Variants in NCOR2 observed in about 807,000 individuals in gnomAD.
NCOR2 encodes CTG repeat protein 26.
NCOR2 carries 81 observed loss-of-function variants against 262.9 expected under a neutral mutation model. That is an observed-to-expected ratio of 0.31 (90% CI 0.26 to 0.37). NCOR2 has a LOEUF of 0.37. Among genes scored for constraint, NCOR2 ranks in the 10% least tolerant of loss-of-function variants. The pLI, the probability that NCOR2 is intolerant of heterozygous loss-of-function variation, is 1.00. For missense variants in NCOR2, 3,385 were observed against 3,621.4 expected, an observed-to-expected ratio of 0.93 and a Z score of 1.68; for synonymous variants, 1,659 against 1,559.3, an observed-to-expected ratio of 1.06 and a Z score of -1.51.
chr12:124,530,656 T>G (rs1451480381), intron 1 of NCOR2, among the ~76,000 whole-genome samples: 7 of 152,198 alleles, frequency 4.6e-5, no homozygotes, highest in African/African-American at 1.7e-4. Flanking sequence ...AGCTTTGTCC[T>G]ATGCTAGCTA....
intron 1 of NCOR2, among the ~76,000 whole-genome samples, chr12:124,554,249 A>G (rs1170495702): frequency 6.6e-6 from 1 of 152,210 alleles, no homozygotes; most frequent in Non-Finnish European, 1.5e-5. Flanking sequence ...CACAGGTCCC[A>G]GAGACGCTGT....
chr12:124,373,878 C>T lies in NCOR2; in HGVS notation c.2218+535G>A, dbSNP rs531897142. Among the ~76,000 whole-genome samples, 20 of 150,374 alleles carry T rather than the reference C, an allele frequency of 1.3e-4. 1 individual carries two copies. The highest frequency in any genetic ancestry group is 4.0e-4 in the Admixed American group (6 of 15,134). The stretch of plus-strand genomic sequence containing the variant: ...AGTGCGTGCGCAGGGGCCCCGGGCA[C>T]GGTGGACAACGAGGCCAGTGCGTGT... On this transcript the variant is annotated intron_variant, in intron 19 of 46. Transcript: ENST00000405201.
Position 124,481,152 on chromosome 12 carries a change from A to G in NCOR2, c.411+2444T>C, listed in dbSNP as rs567189851. ...GGGCTGTTTGGGTGGAAAGAAAGAG[A>G]GGGAGGAAGAAGGAGGGAGGAAGGT... On this transcript the variant is annotated intron_variant, in intron 3 of 46. Transcript: ENST00000405201. This position sits in a 1 kb window ranked among gnomAD's most constrained non-coding sequence, Gnocchi z 4.6. 2.0e-5 allele frequency among the ~76,000 whole-genome samples: 3 copies of G among 149,642 alleles called. No individual in the cohort carries two copies. The highest frequency in any genetic ancestry group is 4.5e-5 in the Non-Finnish European group (3 of 67,384).
intron 37 of NCOR2, among the ~76,000 whole-genome samples, chr12:124,338,585 C>A (rs185872733): frequency 6.6e-6 from 1 of 151,888 alleles, no homozygotes; most frequent in East Asian, 1.9e-4. Flanking sequence ...GCAGCTCTGC[C>A]CACAGTCTCT....
At chr12:124,536,563 G>A (rs561198440), upstream of NCOR2, among the ~76,000 whole-genome samples, 1 of 152,254 alleles carries the variant, frequency 6.6e-6, no homozygotes, top group Admixed American at 6.5e-5. Flanking sequence ...ACGAAAAGAT[G>A]CCCAACGTCA....
At chr12:124,554,258 G>A (rs1489368864) in intron 1 of NCOR2, among the ~76,000 whole-genome samples, 1 of 152,190 alleles carries the variant, frequency 6.6e-6, no homozygotes, top group Admixed American at 6.5e-5. Flanking sequence ...CAGAGACGCT[G>A]TGCAAAAAAT....
intron 10 of NCOR2, among the ~76,000 whole-genome samples, chr12:124,428,044 A>AGTGTGTGTGTGTGTGT (rs55965573): frequency 0.09 from 10,084 of 112,242 alleles, 1,028 homozygotes; most frequent in Non-Finnish European, 0.12. Context: ...CCATGTGGCC[A>AGTGTGTGTGTGTGTGT]GTGTGTGTGT....
chr12:124,370,017 C>T (rs1339637453), intron 20 of NCOR2, among the ~76,000 whole-genome samples: 3 of 152,176 alleles, frequency 2.0e-5, no homozygotes, highest in Admixed American at 2.0e-4. Context: ...ATGACCTCAG[C>T]GGTCCCCCGG....
rs917164865 is a variant in NCOR2 at position 124,457,984 on chromosome 12, A to G, written c.706-822T>C. On this transcript the variant is annotated intron_variant, in intron 5 of 46. Coordinates refer to ENST00000405201, the Ensembl canonical transcript of NCOR2. This position sits in a 1 kb window ranked among gnomAD's most constrained non-coding sequence, Gnocchi z 4.0. ...CTTCATGGGGGCTGTGGCGGAGGGC[A>G]GGGGCAGAATTTGCGTGGGTTTGGG... is the stretch of plus-strand genomic sequence containing the variant. 6.6e-6 allele frequency among the ~76,000 whole-genome samples: 1 copy of G among 152,158 alleles called. No individual in the cohort carries two copies. Among genetic ancestry groups the G allele is most frequent in the African/African-American group, 2.4e-5 (1 of 41,434 alleles).
intron 32 of NCOR2, among the ~76,000 whole-genome samples, chr12:124,344,022 A>C (rs1455782047): frequency 6.6e-6 from 1 of 152,164 alleles, no homozygotes; most frequent in East Asian, 1.9e-4. Flanking sequence ...GTAAACAAAG[A>C]CCTGAGGGAT....
intron 3 of NCOR2, among the ~76,000 whole-genome samples, chr12:124,479,373 G>C (rs560926128): frequency 6.6e-6 from 1 of 151,190 alleles, no homozygotes; most frequent in South Asian, 2.1e-4. Context: ...GCACACTCAC[G>C]CACACACACA....
chr12:124,338,145 A>C (rs2036048591), intron 37 of NCOR2, among the ~76,000 whole-genome samples: 1 of 152,218 alleles, frequency 6.6e-6, no homozygotes, highest in South Asian at 2.1e-4. Context: ...TCAGGCATCC[A>C]AGCGGCAAGT....
chr12:124,465,535 A>C (rs1313319334), intron 5 of NCOR2, among the ~76,000 whole-genome samples: 1 of 152,140 alleles, frequency 6.6e-6, no homozygotes, highest in Non-Finnish European at 1.5e-5. Context: ...ATGGGCCTCC[A>C]CAGCCTGCTC....
At chr12:124,425,527 G>C (rs1307847189) in intron 11 of NCOR2, among the ~76,000 whole-genome samples, 1 of 152,026 alleles carries the variant, frequency 6.6e-6, no homozygotes, top group Non-Finnish European at 1.5e-5. Flanking sequence ...CAAAAGATTA[G>C]ATTCCCCGGA....
At position 124,503,619 on chromosome 12, in the gene NCOR2, G is replaced by GATGGATGGATGGATGGATGGGCGA. The variant is rs2048873051; in HGVS notation, c.-117-8252_-117-8251insTCGCCCATCCATCCATCCATCCAT. Among the ~76,000 whole-genome samples, 1 of 144,454 alleles carries GATGGATGGATGGATGGATGGGCGA rather than the reference G, an allele frequency of 6.9e-6. No individual in the cohort carries two copies. The allele number at this position is 144,454 out of a possible 152,430, so 94.8% of individuals were successfully genotyped here. A position where few individuals can be genotyped will look rare whatever the true frequency, so the allele number is the denominator to read the frequency against. The stretch of plus-strand genomic sequence containing the variant: ...GGATGGATGGACGGACGGACGGATG[G>GATGGATGGATGGATGGATGGGCGA]ATGGATGGATGGATGGGCGAATGGA... On this transcript the variant is annotated intron_variant, in intron 1 of 46. Transcript: ENST00000404621. This position sits in a 1 kb window ranked among gnomAD's most constrained non-coding sequence, Gnocchi z 4.3.
intron 9 of NCOR2, among the ~76,000 whole-genome samples, chr12:124,430,406 C>T (rs2043847091): frequency 6.6e-6 from 1 of 152,228 alleles, no homozygotes; most frequent in Non-Finnish European, 1.5e-5. Context: ...GGAAGAAGTG[C>T]TTGTCCCCAA....
chr12:124,384,216 G>C (rs1000933611), intron 17 of NCOR2, among the ~76,000 whole-genome samples: 6 of 152,240 alleles, frequency 3.9e-5, no homozygotes, highest in African/African-American at 1.4e-4. Flanking sequence ...CCCCGGCCCA[G>C]GCCCCCTTCT....
chr12:124,335,731 T>C, intron 38 of NCOR2, 99 bp from the exon 41 acceptor site: 1 of 1,369,758 alleles, frequency 7.3e-7, no homozygotes, highest in Non-Finnish European at 9.7e-7. Context: ...CCCGGGGGGG[T>C]CAAGGGGAAC....
Position 124,503,218 on chromosome 12 carries a change from T to C in NCOR2, c.-117-7850A>G, listed in dbSNP as rs568608771. 4.1e-4 allele frequency among the ~76,000 whole-genome samples: 62 copies of C among 152,368 alleles called. No homozygotes were observed. The highest frequency in any genetic ancestry group is 6.2e-4 in the South Asian group (3 of 4,828). On this transcript the variant is annotated intron_variant, in intron 1 of 46. Transcript: ENST00000404621. This position sits in a 1 kb window ranked among gnomAD's most constrained non-coding sequence, Gnocchi z 4.3. ...TGTGCAAACACTGTACAAGCACAGC[T>C]ACAGCAGTGACCAAGTCAGACAAAA...
Sources: allele counts gnomAD v4.1 joint callset (sites outside exome capture counted in the v4.1 genomes callset), GRCh38; gene constraint gnomAD v4.1.1; non-coding constraint Gnocchi (gnomAD v3.1); transcripts MANE v1.5; gene names NCBI Gene and HGNC (gene_info 2026-07-23, HGNC 2026-07-21).